The following NIFK variants were observed in gnomAD, a reference collection of about 807,000 sequenced individuals.
NIFK encodes the protein MKI67 FHA domain-interacting nucleolar phosphoprotein.
NIFK carries 16 observed loss-of-function variants against 31.7 expected under a neutral mutation model. That is an observed-to-expected ratio of 0.50 (90% CI 0.34 to 0.77). The LOEUF (loss-of-function observed/expected upper bound fraction) is 0.77, where lower values mean the gene tolerates loss of function less well. Ranked by LOEUF, NIFK falls within the 30% of genes least tolerant of loss-of-function variation. NIFK has a pLI of 0.01. For missense variants in NIFK, 341 were observed against 350.4 expected (o/e 0.97, Z 0.21); for synonymous variants, 126 against 123.0 (o/e 1.02, Z -0.16).
chr2:121,727,184 G>T lies in NIFK; in HGVS notation c.*540C>A. 1 of 242,936 alleles carries T rather than the reference G, an allele frequency of 4.1e-6. No homozygotes were observed. 15.0% of individuals were successfully genotyped at this position (242,936 alleles called of 1,614,324 possible). A position where few individuals can be genotyped will look rare whatever the true frequency, so the allele number is the denominator to read the frequency against. On this transcript the variant is annotated 3_prime_UTR_variant, in exon 7 of 7. Coordinates refer to ENST00000285814, the MANE Select transcript of NIFK (RefSeq NM_032390.5). ...CTAATTTAACATTATTGGTAAAAAT[G>T]AGTCATTTTTGAATCTCTATTAAAA...
intron 4 of NIFK, 91 bp downstream of exon 4, chr2:121,730,802 G>GA: frequency 1.2e-6 from 1 of 829,262 alleles, no homozygotes. Context: ...TCAAGATTGT[G>GA]GTAAGTGCTA....
intron 1 of NIFK, chr2:121,735,955 C>A (rs2074576518): frequency 3.6e-6 from 2 of 561,048 alleles, no homozygotes; most frequent in Admixed American, 3.2e-5. Context: ...CATCCCAGCA[C>A]CCAGTATAAT....
At chr2:121,729,488 A>C (rs1313789849) in intron 4 of NIFK, among the ~76,000 whole-genome samples, 1 of 152,224 alleles carries the variant, frequency 6.6e-6, no homozygotes, top group Non-Finnish European at 1.5e-5. Flanking sequence ...GATGGAGGAA[A>C]GGGTCAGTGT....
chr2:121,732,062 C>T (rs185632905), intron 3 of NIFK, 34 bp downstream of exon 3: 61 of 1,318,628 alleles, frequency 4.6e-5, no homozygotes, highest in East Asian at 1.6e-4. Context: ...CAGCAGGCAC[C>T]CAGGCAACCC....
Position 121,727,068 on chromosome 2 carries a change from G to C in NIFK, c.*656C>G, listed in dbSNP as rs1226959193. ...ATACATTGTAGAAAAAAGTTTAATT[G>C]CTGGTTATTGTTTGAATCTTGAAAT... On this transcript the variant is annotated 3_prime_UTR_variant, in exon 7 of 7. Transcript: ENST00000285814. 1 of 166,212 alleles carries C rather than the reference G, an allele frequency of 6.0e-6. No homozygotes were observed. The highest frequency in any genetic ancestry group is 2.4e-5 in the African/African-American group (1 of 41,544). 10.3% of individuals were successfully genotyped at this position (166,212 alleles called of 1,614,324 possible).
chr2:121,734,040 T>G (rs139837909), intron 2 of NIFK, among the ~76,000 whole-genome samples: 7 of 152,068 alleles, frequency 4.6e-5, no homozygotes, highest in African/African-American at 1.7e-4. Flanking sequence ...GTAATCCCAG[T>G]ACCTTGGGAG....
At chr2:121,734,589 G>T (rs1226095739) in intron 2 of NIFK, among the ~76,000 whole-genome samples, 1 of 152,018 alleles carries the variant, frequency 6.6e-6, no homozygotes, top group South Asian at 2.1e-4. Flanking sequence ...TCAGGAGTTC[G>T]AGACCAGCCT....
chr2:121,734,123 CTG>C (rs2074562737), intron 2 of NIFK, among the ~76,000 whole-genome samples: 1 of 151,610 alleles, frequency 6.6e-6, no homozygotes, highest in South Asian at 2.1e-4. Flanking sequence ...AGTAGAAACA[CTG>C]TTTCTACTAA....
chr2:121,728,558 T>C (rs2074512247), intron 4 of NIFK, 22 bp from the exon 5 acceptor site: 5 of 1,336,658 alleles, frequency 3.7e-6, no homozygotes, highest in South Asian at 1.3e-5. Flanking sequence ...AAGTTAGAAA[T>C]TGACACTCAT....
At position 121,727,388 on chromosome 2, in the gene NIFK, G is replaced by A. The variant is rs1270441679; in HGVS notation, c.*336C>T. ...TGGTGGTCTTTAATTGCTGGCGACA[G>A]AAAAGGCTGCAGTTTAGTACTTAAA... On this transcript the variant is annotated 3_prime_UTR_variant, in exon 7 of 7. Transcript: ENST00000285814. 1 of 500,188 alleles carries A rather than the reference G, an allele frequency of 2.0e-6. No homozygotes were observed. Among genetic ancestry groups the A allele is most frequent in the Non-Finnish European group, 4.0e-6 (1 of 247,046 alleles). 31.0% of individuals were successfully genotyped at this position (500,188 alleles called of 1,614,324 possible). A position where few individuals can be genotyped will look rare whatever the true frequency, so the allele number is the denominator to read the frequency against.
At chr2:121,735,945 C>T in intron 1 of NIFK, 195 bp from the exon 2 acceptor site, 1 of 564,384 alleles carries the variant, frequency 1.8e-6, no homozygotes, top group Non-Finnish European at 3.1e-6. Flanking sequence ...TCCAGCCTGG[C>T]ATCCCAGCAC....
In NIFK at chr2:121,727,847, A is replaced by T. The variant is rs1249396771; in HGVS notation, c.759T>A (p.Asn253Lys). 5.0e-6 allele frequency: 8 copies of T among 1,612,676 alleles called. No individual in the cohort carries two copies. Among genetic ancestry groups the T allele is most frequent in the East Asian group, 2.2e-5 (1 of 44,836 alleles). Residue 253 changes from asparagine (N) to lysine (K), a missense_variant, in exon 7 of 7, where the codon AAT becomes AAA. Transcript: ENST00000285814. ...CTATTTCATCATCTTTATCATCATC[A>T]TTCAGTTCAGCCACTTGAGATTTTC... ...ERRKSQVAEL[N>K]DDDKDDEIVF...
At chr2:121,735,579 A>G (rs754388790) in intron 2 of NIFK, 34 bp downstream of exon 2, 1 of 1,609,062 alleles carries the variant, frequency 6.2e-7, no homozygotes, top group Non-Finnish European at 8.5e-7. Flanking sequence ...ACATTTGAAA[A>G]ACAAAACATT....
Position 121,727,605 on chromosome 2 carries a change from C to A in NIFK, c.*119G>T. ...CACTGCTTTCCTTAACTTGACCAAA[C>A]AGTGTATTTTTCCTCTGAAAATCTT... On this transcript the variant is annotated 3_prime_UTR_variant, in exon 7 of 7. Coordinates refer to ENST00000285814, the MANE Select transcript of NIFK (RefSeq NM_032390.5). The A allele has an allele frequency of 1.2e-6, 1 of 862,680 alleles. No individual in the cohort carries two copies. The highest frequency in any genetic ancestry group is 1.9e-6 in the Non-Finnish European group (1 of 532,732). 53.4% of individuals were successfully genotyped at this position (862,680 alleles called of 1,614,324 possible).
In NIFK at chr2:121,728,702, C is replaced by G. The variant is rs186847947; in HGVS notation, c.565-166G>C. On this transcript the variant is annotated intron_variant, in intron 4 of 6. Coordinates refer to ENST00000285814, the MANE Select transcript of NIFK (RefSeq NM_032390.5). ...GAATTATCTCAAGTAAAGGGCAAAA[C>G]TAGGAAAAACCCAGTAGAGGAATTG... 1.3e-3 allele frequency: 690 copies of G among 520,684 alleles called. 6 individuals carry two copies. Among genetic ancestry groups the G allele is most frequent in the African/African-American group, 0.012 (632 of 50,950 alleles). 32.3% of individuals were successfully genotyped at this position (520,684 alleles called of 1,614,324 possible). A position where few individuals can be genotyped will look rare whatever the true frequency, so the allele number is the denominator to read the frequency against.
In NIFK at chr2:121,727,440, C is replaced by T. The variant is rs1397352768; in HGVS notation, c.*284G>A. On this transcript the variant is annotated 3_prime_UTR_variant, in exon 7 of 7. Transcript: ENST00000285814. ...CTGCAGTTAGTGGTCAACTTTCTAT[C>T]CAGGCAGAGTAAACTAAGGAGAGCT... 3.5e-6 allele frequency: 2 copies of T among 573,694 alleles called. No homozygotes were observed. Among genetic ancestry groups the T allele is most frequent in the Non-Finnish European group, 3.4e-6 (1 of 295,398 alleles). 35.5% of individuals were successfully genotyped at this position (573,694 alleles called of 1,614,324 possible). A position where few individuals can be genotyped will look rare whatever the true frequency, so the allele number is the denominator to read the frequency against.
intron 1 of NIFK, 31 bp from the exon 2 acceptor site, chr2:121,735,781 A>T: frequency 6.3e-7 from 1 of 1,577,020 alleles, no homozygotes; most frequent in Non-Finnish European, 8.6e-7. Context: ...TAAATTAAAT[A>T]TATAAATAAG....
At chr2:121,734,632 AC>A (rs2074566650) in intron 2 of NIFK, among the ~76,000 whole-genome samples, 1 of 152,092 alleles carries the variant, frequency 6.6e-6, no homozygotes, top group African/African-American at 2.4e-5. Context: ...CTCTAGTAAA[AC>A]ACACAAAAAA....
At chr2:121,734,444 C>T (rs2074565440) in intron 2 of NIFK, among the ~76,000 whole-genome samples, 1 of 151,978 alleles carries the variant, frequency 6.6e-6, no homozygotes, top group African/African-American at 2.4e-5. Context: ...TATATATGTA[C>T]ACATATGTAT....
Sources: gnomAD v4.1 joint callset for allele counts (sites outside exome capture counted in the v4.1 genomes callset) on GRCh38, gnomAD v4.1.1 for gene constraint, MANE v1.5 for transcripts, NCBI Gene and HGNC (gene_info 2026-07-23, HGNC 2026-07-21) for gene names.